MRC2: variants seen among roughly 807,000 people sequenced by gnomAD.
MRC2 encodes the protein mannose receptor C-type 2.
Under a neutral mutation model 206.2 loss-of-function variants are expected in MRC2, and 84 were observed. That is an observed-to-expected ratio of 0.41 (90% CI 0.34 to 0.49). The LOEUF is 0.49. Ranked by LOEUF, MRC2 falls within the 20% of genes least tolerant of loss-of-function variation. The probability of loss-of-function intolerance (pLI) is 0.31; values close to 1 mark genes in which losing one functional copy is unlikely to be tolerated. For missense variants in MRC2, 1,676 were observed against 2,001.5 expected (o/e 0.84, Z 3.10); for synonymous variants, 798 against 800.0 (o/e 1.00, Z 0.04).
At chr17:62,648,721 A>G (rs1182998123) in intron 1 of MRC2, among the ~76,000 whole-genome samples, 1 of 152,124 alleles carries the variant, frequency 6.6e-6, no homozygotes, top group African/African-American at 2.4e-5. Context: ...TCGGGGGAGG[A>G]CTTTGCATCT....
intron 20 of MRC2, among the ~76,000 whole-genome samples, chr17:62,687,710 C>T (rs938409952): frequency 6.6e-6 from 1 of 152,006 alleles, no homozygotes; most frequent in Non-Finnish European, 1.5e-5. Context: ...GGTGAAACCC[C>T]GTCTCTACTA....
Position 62,666,873 on chromosome 17 carries a change from G to C in MRC2, c.973+3G>C. The C allele has an allele frequency of 6.2e-7, 1 of 1,613,250 alleles. No homozygotes were observed. Among genetic ancestry groups the C allele is most frequent in the South Asian group, 1.1e-5 (1 of 91,056 alleles). On this transcript the variant is annotated splice_donor_region_variant and intron_variant, in intron 5 of 29. Coordinates refer to ENST00000303375, the MANE Select transcript of MRC2 (RefSeq NM_006039.5). The surrounding 1 kb of genome is among the most constrained non-coding windows in gnomAD (Gnocchi z 5.0). The stretch of plus-strand genomic sequence containing the variant: ...CAAGTACCTCAACTGGGAGAGTGGT[G>C]AGGCACAAGGTTGGGGGCGCAGGGC...
At position 62,675,185 on chromosome 17, in the gene MRC2, A is replaced by G. The variant is rs976721075; in HGVS notation, c.1570-605A>G. Among the ~76,000 whole-genome samples the G allele has an allele frequency of 1.3e-5, 2 of 152,134 alleles. No individual in the cohort carries two copies. The highest frequency in any genetic ancestry group is 3.9e-4 in the East Asian group (2 of 5,184). On this transcript the variant is annotated intron_variant, in intron 9 of 29. Transcript: ENST00000303375. This position sits in a 1 kb window ranked among gnomAD's most constrained non-coding sequence, Gnocchi z 4.1. ...TTTGTGTGGGGAGTGTTGAGGGTCC[A>G]TGGTTAACAGCCCAGGATCACCAGG...
At position 62,680,369 on chromosome 17, in the gene MRC2, C is replaced by A; in HGVS notation, c.2438-49C>A. On this transcript the variant is annotated intron_variant, in intron 15 of 29. Coordinates refer to ENST00000303375, the MANE Select transcript of MRC2 (RefSeq NM_006039.5). The surrounding 1 kb of genome is among the most constrained non-coding windows in gnomAD (Gnocchi z 4.8). ...GCGAAGGGTGGCGGGGCCAGGAATT[C>A]CAGGGAGGGTCTCCTTTCCTCACAA... is the stretch of plus-strand genomic sequence containing the variant. The A allele has an allele frequency of 6.2e-7, 1 of 1,613,738 alleles. No individual in the cohort carries two copies. Among genetic ancestry groups the A allele is most frequent in the Non-Finnish European group, 8.5e-7 (1 of 1,179,756 alleles).
intron 20 of MRC2, among the ~76,000 whole-genome samples, chr17:62,685,511 C>T (rs1372216683): frequency 2.6e-5 from 4 of 152,112 alleles, no homozygotes; most frequent in Admixed American, 2.0e-4. Context: ...ATACCAGTTA[C>T]TCTCCTGCCC....
At chr17:62,638,611 G>C (rs1464979032) in intron 1 of MRC2, among the ~76,000 whole-genome samples, 6 of 152,008 alleles carry the variant, frequency 3.9e-5, no homozygotes, top group Admixed American at 2.6e-4. Context: ...GGCGACGTGT[G>C]CCTGTAATCC....
chr17:62,633,520 AAAG>A (rs1250476223), intron 1 of MRC2, among the ~76,000 whole-genome samples: 2 of 150,984 alleles, frequency 1.3e-5, no homozygotes, highest in Non-Finnish European at 3.0e-5. Flanking sequence ...AAAAAAAAAA[AAAG>A]AGAAAACATG....
In MRC2 at chr17:62,671,298, T is replaced by C. The variant is rs1292923214; in HGVS notation, c.1118-351T>C. On this transcript the variant is annotated intron_variant, in intron 6 of 29. Transcript: ENST00000303375. The surrounding 1 kb of genome is among the most constrained non-coding windows in gnomAD (Gnocchi z 4.5). The stretch of plus-strand genomic sequence containing the variant: ...GTTGCCCAGTCTGTTCTTGAACTAC[T>C]GGGCTCAAGCAATCCTCCAGCCTTA... Among the ~76,000 whole-genome samples the C allele has an allele frequency of 6.6e-6, 1 of 152,048 alleles. No individual in the cohort carries two copies. The highest frequency in any genetic ancestry group is 1.5e-5 in the Non-Finnish European group (1 of 68,006).
At chr17:62,635,191 CTTTT>C (rs35446845) in intron 1 of MRC2, among the ~76,000 whole-genome samples, 81 of 101,730 alleles carry the variant, frequency 8.0e-4, no homozygotes, top group African/African-American at 2.4e-3. Context: ...CTATTTTTCT[CTTTT>C]TTTTTTTTTT....
chr17:62,688,201 C>T, intron 20 of MRC2, 88 bp from the exon 21 acceptor site: 1 of 1,133,724 alleles, frequency 8.8e-7, no homozygotes, highest in South Asian at 1.4e-5. Flanking sequence ...CCCCCCAGGA[C>T]CTGCTGCTGA....
Position 62,674,103 on chromosome 17 carries a change from C to T in MRC2, c.1502C>T (p.Pro501Leu), listed in dbSNP as rs1472039815. The change falls in exon 9 of 30, where the codon CCA (proline) becomes CTA (leucine). Residue 501 changes from proline (P) to leucine (L), a missense_variant. Physicochemically the swap from Pro to Leu is moderately conservative, Grantham distance 98. Around this residue, in one of 3 missense-constraint regions of MRC2, gnomAD observed 1,354 missense variants for 1,636.6 expected, o/e 0.83. Transcript: ENST00000303375. Reference protein sequence around the residue: ...WNDSPCNQSLPSICKKAGQLS... With the variant: ...WNDSPCNQSLLSICKKAGQLS... ...GACAGTCCCTGTAACCAGTCCTTGCCATCCATCTGCAAGAAGGCAGGCCAG... is the reference window on the plus strand; with the variant it reads ...GACAGTCCCTGTAACCAGTCCTTGCTATCCATCTGCAAGAAGGCAGGCCAG... 6.4e-7 allele frequency: 1 copy of T among 1,555,540 alleles called. No homozygotes were observed. The highest frequency in any genetic ancestry group is 8.7e-7 in the Non-Finnish European group (1 of 1,149,236).
Position 62,652,712 on chromosome 17 carries a change from G to A in MRC2, c.119-11836G>A, listed in dbSNP as rs1368404461. Reference sequence around the variant, plus strand: ...AGATTGAGGGGCGCACGGCGGTGGAGGGAGGGGCGCCCAGTGGAGAGGGGG... The same window carrying A: ...AGATTGAGGGGCGCACGGCGGTGGAAGGAGGGGCGCCCAGTGGAGAGGGGG... On this transcript the variant is annotated intron_variant, in intron 1 of 29. Coordinates refer to ENST00000303375, the MANE Select transcript of MRC2 (RefSeq NM_006039.5). This position sits in a 1 kb window ranked among gnomAD's most constrained non-coding sequence, Gnocchi z 4.6. Among the ~76,000 whole-genome samples the A allele has an allele frequency of 6.6e-6, 1 of 151,754 alleles. No individual in the cohort carries two copies. The highest frequency in any genetic ancestry group is 1.5e-5 in the Non-Finnish European group (1 of 67,944).
intron 1 of MRC2, among the ~76,000 whole-genome samples, chr17:62,650,195 G>A (rs566397210): frequency 2.6e-4 from 40 of 152,264 alleles, no homozygotes; most frequent in Admixed American, 2.3e-3. Context: ...ATGCTTGGCC[G>A]TCATTCTTAA....
chr17:62,637,189 G>A (rs986543053), intron 1 of MRC2, among the ~76,000 whole-genome samples: 7 of 151,828 alleles, frequency 4.6e-5, no homozygotes, highest in East Asian at 1.9e-4. Context: ...TAAAACCCCC[G>A]TCTCTACTAA....
At chr17:62,689,011 C>A in intron 23 of MRC2, 51 bp downstream of exon 23, 1 of 1,434,796 alleles carries the variant, frequency 7.0e-7, no homozygotes, top group Non-Finnish European at 9.7e-7. Context: ...TGGCACCGGG[C>A]TGGATGCTGG....
Position 62,627,866 on chromosome 17 carries a change from C to T in MRC2, c.64C>T (p.Leu22Phe), listed in dbSNP as rs903828101. The T allele has an allele frequency of 4.1e-5, 60 of 1,477,878 alleles. No homozygotes were observed. The highest frequency in any genetic ancestry group is 4.8e-5 in the Non-Finnish European group (54 of 1,121,748). 91.5% of individuals were successfully genotyped at this position (1,477,878 alleles called of 1,614,324 possible). A position where few individuals can be genotyped will look rare whatever the true frequency, so the allele number is the denominator to read the frequency against. ...TCACCTGCTGCGCTGCGTCCTGCTCCTCGGGTGCCTGCACCTCGGCCGTCC... is the reference window on the plus strand; with the variant it reads ...TCACCTGCTGCGCTGCGTCCTGCTCTTCGGGTGCCTGCACCTCGGCCGTCC... Reference protein sequence around the residue: ...PRHLLRCVLLLGCLHLGRPGA... With the variant: ...PRHLLRCVLLFGCLHLGRPGA... The change falls in exon 1 of 30, where the codon CTC becomes TTC. Residue 22 changes from leucine (L) to phenylalanine (F), a missense_variant. Coordinates refer to ENST00000303375, the MANE Select transcript of MRC2 (RefSeq NM_006039.5).
rs956715273 is a variant in MRC2 at position 62,675,198 on chromosome 17, CAGGA to C, written c.1570-591_1570-588del. Among the ~76,000 whole-genome samples the C allele has an allele frequency of 5.3e-5, 8 of 152,270 alleles. No individual in the cohort carries two copies. The highest frequency in any genetic ancestry group is 1.7e-4 in the African/African-American group (7 of 41,536). On this transcript the variant is annotated intron_variant, in intron 9 of 29. Transcript: ENST00000303375. The surrounding 1 kb of genome is among the most constrained non-coding windows in gnomAD (Gnocchi z 4.1). ...TGTTGAGGGTCCATGGTTAACAGCC[CAGGA>C]TCACCAGGGGTCTTGGCACAGCCCC...
At position 62,675,918 on chromosome 17, in the gene MRC2, C is replaced by A. The variant is rs536228030; in HGVS notation, c.1685+13C>A. On this transcript the variant is annotated intron_variant, in intron 10 of 29. Coordinates refer to ENST00000303375, the MANE Select transcript of MRC2 (RefSeq NM_006039.5). This position sits in a 1 kb window ranked among gnomAD's most constrained non-coding sequence, Gnocchi z 4.1. ...CCATCACCAACAGGTACAGCAGGGG[C>A]GGGTGCCCTGACTAGCCCTTGCCCA... is the stretch of plus-strand genomic sequence containing the variant. 1 of 1,610,428 alleles carries A rather than the reference C, an allele frequency of 6.2e-7. No homozygotes were observed. The highest frequency in any genetic ancestry group is 1.1e-5 in the South Asian group (1 of 91,000).
In MRC2 at chr17:62,667,538, G is replaced by T; in HGVS notation, c.1117+5G>T. 1.2e-6 allele frequency: 2 copies of T among 1,608,210 alleles called. No individual in the cohort carries two copies. Among genetic ancestry groups the T allele is most frequent in the Non-Finnish European group, 1.7e-6 (2 of 1,178,724 alleles). ...CGGCCGAGCCCACCCCTCCAGGTGAGCCAGGGACTGTGCCGCAGGGTGGGG... is the reference window on the plus strand; with the variant it reads ...CGGCCGAGCCCACCCCTCCAGGTGATCCAGGGACTGTGCCGCAGGGTGGGG... On this transcript the variant is annotated splice_donor_5th_base_variant and intron_variant, in intron 6 of 29. Coordinates refer to ENST00000303375, the MANE Select transcript of MRC2 (RefSeq NM_006039.5). The surrounding 1 kb of genome is among the most constrained non-coding windows in gnomAD (Gnocchi z 4.1).
Sources: allele counts gnomAD v4.1 joint callset (sites outside exome capture counted in the v4.1 genomes callset), GRCh38; gene constraint gnomAD v4.1.1; regional missense constraint gnomAD v4.1.1; non-coding constraint Gnocchi (gnomAD v3.1); transcripts MANE v1.5; gene names NCBI Gene and HGNC (gene_info 2026-07-23, HGNC 2026-07-21).